The following GATB variants were observed in gnomAD, a reference collection of about 807,000 sequenced individuals.
GATB encodes glutamyl-tRNA amidotransferase subunit B.
GATB carries 39 observed loss-of-function variants against 62.3 expected under a neutral mutation model. That is an observed-to-expected ratio of 0.63 (90% confidence interval 0.48 to 0.82). The LOEUF is 0.82. GATB is among the 40% of genes least tolerant of loss of function. The probability of loss-of-function intolerance (pLI) is 0.00; values close to 1 mark genes in which losing one functional copy is unlikely to be tolerated. For missense variants in GATB, 670 were observed against 684.0 expected (o/e 0.98, Z 0.23); for synonymous variants, 276 against 258.9 (o/e 1.07, Z -0.63).
intron 10 of GATB, among the ~76,000 whole-genome samples, chr4:151,681,442 C>CA: frequency 1.1e-5 from 1 of 91,980 alleles, no homozygotes; most frequent in Admixed American, 8.8e-5. Context: ...GGCGGCTAAA[C>CA]AAACTAAAAA....
chr4:151,749,442 T>C (rs182788508), intron 2 of GATB, among the ~76,000 whole-genome samples: 39 of 142,980 alleles, frequency 2.7e-4, no homozygotes, highest in Admixed American at 1.5e-3. Flanking sequence ...TTCTCACTCA[T>C]AGGTGAGAAC....
At chr4:151,759,956 G>A (rs1739918223) in intron 1 of GATB, among the ~76,000 whole-genome samples, 1 of 152,160 alleles carries the variant, frequency 6.6e-6, no homozygotes, top group Non-Finnish European at 1.5e-5. Context: ...TAGAAATTCT[G>A]CATGCAGTAA....
chr4:151,740,914 G>GT (rs199937142), intron 2 of GATB, among the ~76,000 whole-genome samples: 26 of 149,052 alleles, frequency 1.7e-4, no homozygotes, highest in African/African-American at 2.7e-4. Flanking sequence ...ACACTGTTAG[G>GT]TTTTTTTTTT....
At chr4:151,678,494 A>T (rs999859550) in intron 11 of GATB, among the ~76,000 whole-genome samples, 5 of 151,942 alleles carry the variant, frequency 3.3e-5, no homozygotes, top group Non-Finnish European at 7.4e-5. Flanking sequence ...CCCTCAGGCC[A>T]TCTAAACTTC....
rs141410602 is a variant in GATB, at chr4:151,749,116, T to C, written c.327+9656A>G. ...GACAAGTGTGGCGATTCCTCAGGGA[T>C]CTAGAACTAGAAATACCATTTGACC... On this transcript the variant is annotated intron_variant, in intron 2 of 12. Transcript: ENST00000263985. 2.2e-3 allele frequency among the ~76,000 whole-genome samples: 330 copies of C among 152,292 alleles called. 9 individuals carry two copies. In the East Asian group the frequency reaches 0.058, roughly 27 times the overall value.
At position 151,730,533 on chromosome 4, in the gene GATB, A is replaced by G. The variant is rs1026334846; in HGVS notation, c.328-10995T>C. ...CACGGAGTCCACTGCACCCTCTGCC[A>G]CCTTCACCAGAACAGGCGCTGGTAT... is the stretch of plus-strand genomic sequence containing the variant. On this transcript the variant is annotated intron_variant, in intron 2 of 12. Coordinates refer to ENST00000263985, the MANE Select transcript of GATB (RefSeq NM_004564.3). The surrounding 1 kb of genome is among the most constrained non-coding windows in gnomAD (Gnocchi z 4.1). 2.6e-5 allele frequency among the ~76,000 whole-genome samples: 4 copies of G among 152,320 alleles called. No homozygotes were observed. Among genetic ancestry groups the G allele is most frequent in the Middle Eastern group, 6.8e-3 (2 of 294 alleles).
chr4:151,696,121 A>G lies in GATB; in HGVS notation c.1197+5208T>C, dbSNP rs114414849. On this transcript the variant is annotated intron_variant, in intron 9 of 12. Coordinates refer to ENST00000263985, the MANE Select transcript of GATB (RefSeq NM_004564.3). ...GACAGGACTCAAGTGCTTCCAGCAGAAGGTTTAAGAAACAAAATAAATAAA... is the reference window on the plus strand; with the variant it reads ...GACAGGACTCAAGTGCTTCCAGCAGGAGGTTTAAGAAACAAAATAAATAAA... Among the ~76,000 whole-genome samples, 1,167 of 152,226 alleles carry G rather than the reference A, an allele frequency of 7.7e-3. 13 individuals are homozygous for G. Among genetic ancestry groups the G allele is most frequent in the African/African-American group, 0.026 (1,088 of 41,518 alleles).
At chr4:151,748,844 C>T (rs1248077782) in intron 2 of GATB, among the ~76,000 whole-genome samples, 6 of 152,122 alleles carry the variant, frequency 3.9e-5, no homozygotes, top group Non-Finnish European at 5.9e-5. Context: ...AAAAGGTGGG[C>T]GAAGGATATG....
intron 10 of GATB, among the ~76,000 whole-genome samples, chr4:151,680,215 G>A (rs1008334346): frequency 6.7e-6 from 1 of 149,812 alleles, no homozygotes; most frequent in Non-Finnish European, 1.5e-5. Flanking sequence ...ACCACAACAG[G>A]AAAGGGAAAA....
At chr4:151,673,075 C>T in intron 11 of GATB, 179 bp from the exon 12 acceptor site, 1 of 676,248 alleles carries the variant, frequency 1.5e-6, no homozygotes, top group Non-Finnish European at 2.4e-6. Context: ...AGCGTTGGCT[C>T]TCCTGAGGCA....
rs1177833803 is a variant in GATB at position 151,700,480 on chromosome 4, G to A, written c.1197+849C>T. Among the ~76,000 whole-genome samples the A allele has an allele frequency of 2.0e-5, 3 of 152,130 alleles. No homozygotes were observed. The East Asian group carries it at 5.8e-4, about 29-fold the overall frequency. ...ATGCTAGGATGTTGTTATTGGAAGT[G>A]TATAAATAGACATATAAATATATAT... On this transcript the variant is annotated intron_variant, in intron 9 of 12. Coordinates refer to ENST00000263985, the MANE Select transcript of GATB (RefSeq NM_004564.3).
rs1341229037 is a variant in GATB at position 151,716,956 on chromosome 4, T to C, written c.560A>G (p.Gln187Arg). The C allele has an allele frequency of 1.2e-6, 2 of 1,614,196 alleles. No individual in the cohort carries two copies. The highest frequency in any genetic ancestry group is 1.7e-5 in the Admixed American group (1 of 60,026). Residue 187 changes from glutamine (Q) to arginine (R), a missense_variant, in exon 4 of 13, where the codon CAG (glutamine) becomes CGG (arginine). Physicochemically the swap from Gln to Arg is conservative, Grantham distance 43. Transcript: ENST00000263985. The part of the protein sequence containing the change: ...QVIPKTVRIK[Q>R]IQLEQDSGKS... ...GCCACTGTCTTGCTCCAACTGGATCTGCTTGATCCTCACCGTCTTGGGGAT... is the reference window on the plus strand; with the variant it reads ...GCCACTGTCTTGCTCCAACTGGATCCGCTTGATCCTCACCGTCTTGGGGAT...
intron 2 of GATB, among the ~76,000 whole-genome samples, chr4:151,733,000 C>T (rs372263939): frequency 1.8e-4 from 27 of 151,962 alleles, no homozygotes; most frequent in African/African-American, 6.5e-4. Flanking sequence ...CAGCCCTAAA[C>T]ACCTACATCA....
intron 11 of GATB, 172 bp from the exon 12 acceptor site, chr4:151,673,068 G>A (rs528820462): frequency 1.8e-5 from 13 of 741,634 alleles, no homozygotes; most frequent in South Asian, 4.0e-5. Context: ...CTGCCAGAGC[G>A]TTGGCTCTCC....
At chr4:151,721,556 G>A (rs1162241877) in intron 2 of GATB, 1 of 152,278 alleles carries the variant, frequency 6.6e-6, no homozygotes, top group African/African-American at 2.4e-5. Context: ...TGATGATTCG[G>A]GTCCAGGCAC....
At chr4:151,742,977 T>A (rs1312461750) in intron 2 of GATB, among the ~76,000 whole-genome samples, 1 of 152,164 alleles carries the variant, frequency 6.6e-6, no homozygotes, top group Non-Finnish European at 1.5e-5. Context: ...AAGGAACAAG[T>A]TATTTTCAAA....
At chr4:151,720,557 T>C (rs1739007780) in intron 2 of GATB, 1 of 152,222 alleles carries the variant, frequency 6.6e-6, no homozygotes, top group Admixed American at 6.5e-5. Flanking sequence ...ATTTATGATG[T>C]TCTTTAGTAT....
At chr4:151,758,453 C>T (rs149003406) in intron 2 of GATB, among the ~76,000 whole-genome samples, 1 of 152,328 alleles carries the variant, frequency 6.6e-6, no homozygotes, top group African/African-American at 2.4e-5. Context: ...TTATAAGACA[C>T]ATCTCCCCTA....
At position 151,719,512 on chromosome 4, in the gene GATB, C is replaced by T. The variant is rs371026586; in HGVS notation, c.354G>A (p.Ala118=). The T allele has an allele frequency of 1.9e-4, 304 of 1,608,856 alleles. 1 individual carries two copies. In the African/African-American group the frequency reaches 3.4e-3, roughly 18 times the overall value. Residue 118 remains alanine, a synonymous_variant, in exon 3 of 13, where the codon GCG becomes GCA. Coordinates refer to ENST00000263985, the MANE Select transcript of GATB (RefSeq NM_004564.3). The part of the protein sequence containing the change: ...LPVLNRRCVE[A]AVMTGLALNC... ...TCAGAGCCAGGCCTGTCATCACCGC[C>T]GCTTCTACACACCTCCTGTTGAGAA...
Sources: allele counts gnomAD v4.1 joint callset (sites outside exome capture counted in the v4.1 genomes callset), GRCh38; gene constraint gnomAD v4.1.1; non-coding constraint Gnocchi (gnomAD v3.1); transcripts MANE v1.5; gene names NCBI Gene and HGNC (gene_info 2026-07-23, HGNC 2026-07-21).